Variants in ILDR1 observed in about 807,000 individuals in gnomAD.
ILDR1 encodes the protein immunoglobulin-like domain-containing receptor 1.
A neutral mutation model predicts 62.4 loss-of-function variants in ILDR1; 56 were observed. That is an observed-to-expected ratio of 0.90 (90% confidence interval 0.72 to 1.12). The LOEUF is 1.12. ILDR1 is among the 50% of genes most tolerant of loss of function. ILDR1 has a pLI of 0.00. For synonymous variants in ILDR1, 284 were observed against 277.8 expected, an observed-to-expected ratio of 1.02 and a Z score of -0.22; for missense variants, 736 against 710.6, an observed-to-expected ratio of 1.04 and a Z score of -0.41.
the ILDR1 span, among the ~76,000 whole-genome samples, chr3:122,034,533 A>G: frequency 6.6e-6 from 1 of 152,276 alleles, no homozygotes; most frequent in Non-Finnish European, 1.5e-5. Context: ...CATGTAAGCC[A>G]GTAACAAGAA....
intron 1 of ILDR1, among the ~76,000 whole-genome samples, chr3:122,016,698 T>C (rs1305164648): frequency 1.3e-5 from 2 of 152,218 alleles, no homozygotes; most frequent in African/African-American, 2.4e-5. Flanking sequence ...TCATAAGCTA[T>C]AGGGATCTAA....
At chr3:122,041,940 A>T in the ILDR1 span, among the ~76,000 whole-genome samples, 1 of 145,836 alleles carries the variant, frequency 6.9e-6, no homozygotes, top group Admixed American at 6.8e-5. Flanking sequence ...TTATACTTTA[A>T]GTTTTAGGGT....
the ILDR1 span, among the ~76,000 whole-genome samples, chr3:122,060,605 T>C: frequency 6.6e-6 from 1 of 151,726 alleles, no homozygotes; most frequent in Non-Finnish European, 1.5e-5. Flanking sequence ...CTGAGCAACA[T>C]AGCGAGACTC....
chr3:121,992,128 A>G (rs1318964107), intron 7 of ILDR1, among the ~76,000 whole-genome samples: 1 of 152,070 alleles, frequency 6.6e-6, no homozygotes, highest in African/African-American at 2.4e-5. Context: ...TGTCATTTGG[A>G]TGTATTAATT....
intron 5 of ILDR1, among the ~76,000 whole-genome samples, chr3:121,998,424 C>G (rs972616455): frequency 1.3e-5 from 2 of 152,236 alleles, no homozygotes; most frequent in African/African-American, 4.8e-5. Context: ...ACAAACTTCT[C>G]AGGACAGTCT....
chr3:122,052,855 C>T, the ILDR1 span, among the ~76,000 whole-genome samples: 1 of 152,178 alleles, frequency 6.6e-6, no homozygotes, highest in African/African-American at 2.4e-5. Context: ...AGGCATGAGC[C>T]ACCGCGCCCG....
the ILDR1 span, among the ~76,000 whole-genome samples, chr3:122,047,203 T>C: frequency 6.6e-6 from 1 of 151,208 alleles, no homozygotes; most frequent in African/African-American, 2.4e-5. Context: ...GTGCCCCTGC[T>C]GGGGGGTGCC....
At chr3:122,021,781 T>G (rs1023621893) in intron 1 of ILDR1, among the ~76,000 whole-genome samples, 3 of 152,254 alleles carry the variant, frequency 2.0e-5, no homozygotes, top group Non-Finnish European at 2.9e-5. Context: ...GTTCAAAGGC[T>G]CCAGGTTTCT....
chr3:122,028,604 C>A, the ILDR1 span, among the ~76,000 whole-genome samples: 1 of 152,162 alleles, frequency 6.6e-6, no homozygotes, highest in African/African-American at 2.4e-5. Context: ...CAGTAGAAGA[C>A]AACCCTCTGC....
the ILDR1 span, among the ~76,000 whole-genome samples, chr3:122,050,544 T>TCCCC: frequency 7.3e-6 from 1 of 136,682 alleles, no homozygotes; most frequent in African/African-American, 2.9e-5. Flanking sequence ...TTGCTTTTAC[T>TCCCC]TCCCCCCCCC....
rs563349824 is a variant in ILDR1 at position 122,022,233 on chromosome 3, G to T, written c.-156C>A. The stretch of plus-strand genomic sequence containing the variant: ...GGAGGGAGCGTCCGCTCTGGTCCCG[G>T]GGCAGGTGCCGCCCGGCTCGTCCCC... On this transcript the variant is annotated 5_prime_UTR_variant, in exon 1 of 8. Coordinates refer to ENST00000344209, the MANE Select transcript of ILDR1 (RefSeq NM_001199799.2). The T allele has an allele frequency of 3.1e-5, 19 of 618,852 alleles. No homozygotes were observed. The highest frequency in any genetic ancestry group is 2.9e-4 in the South Asian group (13 of 45,152). The allele number at this position is 618,852 out of a possible 1,614,324, so 38.3% of individuals were successfully genotyped here.
intron 1 of ILDR1, 166 bp from the exon 2 acceptor site, chr3:122,007,327 G>T (rs867292053): frequency 1.3e-6 from 2 of 1,510,858 alleles, no homozygotes; most frequent in Admixed American, 2.0e-5. Flanking sequence ...TATGGGTGGG[G>T]TGGGGTGAGA....
intron 3 of ILDR1, 40 bp from the exon 4 acceptor site, chr3:122,001,904 G>A: frequency 1.2e-6 from 2 of 1,610,620 alleles, no homozygotes; most frequent in East Asian, 2.2e-5. Flanking sequence ...TGTCAGAGGA[G>A]AGAGCACTGG....
the ILDR1 span, among the ~76,000 whole-genome samples, chr3:122,047,506 C>T: frequency 1.3e-5 from 2 of 152,232 alleles, no homozygotes; most frequent in African/African-American, 2.4e-5. Flanking sequence ...GGGCGCCCCT[C>T]CCCCAGCCTC....
intron 1 of ILDR1, among the ~76,000 whole-genome samples, chr3:122,017,454 A>C (rs1032015576): frequency 2.6e-5 from 4 of 152,230 alleles, no homozygotes; most frequent in African/African-American, 9.6e-5. Context: ...CTGTACACTA[A>C]TCACCCAACG....
At chr3:122,006,090 C>G (rs896977497) in intron 2 of ILDR1, among the ~76,000 whole-genome samples, 39 of 152,128 alleles carry the variant, frequency 2.6e-4, no homozygotes, top group African/African-American at 8.7e-4. Flanking sequence ...AGAGAGGAGT[C>G]TTTTGGGGAC....
intron 5 of ILDR1, among the ~76,000 whole-genome samples, chr3:122,000,172 G>A (rs2071496123): frequency 6.7e-6 from 1 of 149,606 alleles, no homozygotes; most frequent in Non-Finnish European, 1.5e-5. Context: ...TTGATTGCCA[G>A]AGAAATAAAA....
the ILDR1 span, among the ~76,000 whole-genome samples, chr3:122,045,539 A>C: frequency 6.7e-6 from 1 of 149,686 alleles, no homozygotes; most frequent in East Asian, 2.0e-4. Context: ...CCCATTATTA[A>C]TGTGTGGGAG....
chr3:122,035,049 A>C, the ILDR1 span, among the ~76,000 whole-genome samples: 1 of 152,156 alleles, frequency 6.6e-6, no homozygotes, highest in Admixed American at 6.5e-5. Context: ...CTCAAGAGAA[A>C]AATTGGAAAA....
Sources: gnomAD v4.1 joint callset for allele counts (sites outside exome capture counted in the v4.1 genomes callset) on GRCh38, gnomAD v4.1.1 for gene constraint, MANE v1.5 for transcripts, NCBI Gene and HGNC (gene_info 2026-07-23, HGNC 2026-07-21) for gene names.